TMEM171: variants seen among roughly 807,000 people sequenced by gnomAD.
TMEM171 encodes the protein transmembrane protein 171.
In TMEM171, 16 loss-of-function variants were observed where a neutral mutation model predicts 19.1. The ratio of observed to expected loss-of-function variants is 0.84; its 90% CI spans 0.57 to 1.27. The LOEUF (loss-of-function observed/expected upper bound fraction) is 1.27. Ranked by LOEUF, TMEM171 falls within the 50% of genes most tolerant of loss-of-function variation. The pLI is 0.00. For synonymous variants in TMEM171, 153 were observed against 163.4 expected, an observed-to-expected ratio of 0.94 and a Z score of 0.48; for missense variants, 429 against 412.7, an observed-to-expected ratio of 1.04 and a Z score of -0.34.
intron 1 of TMEM171, 59 bp downstream of exon 1, chr5:73,120,755 G>C: frequency 3.0e-6 from 3 of 984,126 alleles, no homozygotes; most frequent in Non-Finnish European, 3.6e-6. Flanking sequence ...GCTGAGCTGT[G>C]CGGCCAGGCT....
At chr5:73,121,304 TTCCTGATAGGA>T (rs1744002290) in intron 1 of TMEM171, among the ~76,000 whole-genome samples, 1 of 152,188 alleles carries the variant, frequency 6.6e-6, no homozygotes, top group Admixed American at 6.5e-5. Context: ...AATAAATGAA[TTCCTGATAGGA>T]CTTTGCAGCC....
chr5:73,125,607 TTC>T (rs1744141819), intron 2 of TMEM171, among the ~76,000 whole-genome samples: 1 of 152,206 alleles, frequency 6.6e-6, no homozygotes, highest in Non-Finnish European at 1.5e-5. Context: ...TTGATAGATG[TTC>T]TTAGTGTTCT....
At chr5:73,128,074 G>T (rs1477509480) in intron 2 of TMEM171, among the ~76,000 whole-genome samples, 4 of 152,050 alleles carry the variant, frequency 2.6e-5, no homozygotes, top group Non-Finnish European at 5.9e-5. Flanking sequence ...TAGTGGCATT[G>T]AATACAGTCA....
Position 73,123,932 on chromosome 5 carries a change from AAC to A in TMEM171, c.562_563del (p.Thr188AlafsTer9). The A allele has an allele frequency of 1.9e-6, 3 of 1,613,234 alleles. No individual in the cohort carries two copies. The highest frequency in any genetic ancestry group is 2.5e-6 in the Non-Finnish European group (3 of 1,179,676). ...FFVVAHVKKR[N>X]TLNAGQDASE... ...CGTGGTTGCCCATGTTAAGAAGAGAAACACGCTGAATGCTGGCCAGGATGCCT... is the reference window on the plus strand; with the variant it reads ...CGTGGTTGCCCATGTTAAGAAGAGAAACGCTGAATGCTGGCCAGGATGCCT... On this transcript the variant is annotated frameshift_variant, in exon 2 of 4. Transcript: ENST00000454765. LOFTEE classifies it high-confidence loss of function.
intron 2 of TMEM171, among the ~76,000 whole-genome samples, chr5:73,126,249 A>G (rs1031866574): frequency 6.6e-6 from 1 of 152,206 alleles, no homozygotes; most frequent in African/African-American, 2.4e-5. Flanking sequence ...AATGGAAGTG[A>G]ACACAACCCC....
chr5:73,130,200 A>T (rs930737484), intron 3 of TMEM171, among the ~76,000 whole-genome samples: 3 of 151,770 alleles, frequency 2.0e-5, no homozygotes, highest in Non-Finnish European at 4.4e-5. Context: ...GGTGATGGAG[A>T]TGGAGCTGCA....
rs950748174 is a variant in TMEM171, at chr5:73,128,299, A to G, written c.641-91A>G. 39 of 1,501,730 alleles carry G rather than the reference A, an allele frequency of 2.6e-5. No homozygotes were observed. The African/African-American group carries it at 4.7e-4, about 18-fold the overall frequency. 93.0% of individuals were successfully genotyped at this position (1,501,730 alleles called of 1,614,324 possible). On this transcript the variant is annotated intron_variant, in intron 2 of 3. Coordinates refer to ENST00000454765, the MANE Select transcript of TMEM171 (RefSeq NM_173490.8). ...CAGCAGGTGTGTTGACCTTTTATATAGATGGGCCAAATATATAATTAATTT... is the reference window on the plus strand; with the variant it reads ...CAGCAGGTGTGTTGACCTTTTATATGGATGGGCCAAATATATAATTAATTT...
At chr5:73,122,542 A>T (rs1398034424) in intron 1 of TMEM171, among the ~76,000 whole-genome samples, 1 of 152,182 alleles carries the variant, frequency 6.6e-6, no homozygotes, top group Non-Finnish European at 1.5e-5. Context: ...AGTAGCTGGG[A>T]CCACAGGCAC....
chr5:73,128,568 A>C (rs1314142675), intron 3 of TMEM171, 37 bp downstream of exon 3: 3 of 1,611,500 alleles, frequency 1.9e-6, no homozygotes, highest in Non-Finnish European at 2.5e-6. Context: ...AGAGGCCTGA[A>C]TTCAGGCCAC....
intron 1 of TMEM171, among the ~76,000 whole-genome samples, chr5:73,121,185 C>T (rs1371526361): frequency 6.6e-6 from 1 of 152,152 alleles, no homozygotes; most frequent in Non-Finnish European, 1.5e-5. Flanking sequence ...CACTAGTCCA[C>T]GGACAAGAAA....
chr5:73,127,195 C>T lies in TMEM171; in HGVS notation c.641-1195C>T, dbSNP rs184278511. On this transcript the variant is annotated intron_variant, in intron 2 of 3. Coordinates refer to ENST00000454765, the MANE Select transcript of TMEM171 (RefSeq NM_173490.8). ...GTGAATTAAAGTTGTAGGCTGAAAA[C>T]GAGAAAAGCTTTTTCAGCAGTAGAC... Among the ~76,000 whole-genome samples the T allele has an allele frequency of 1.1e-3, 172 of 151,594 alleles. 1 individual carries two copies. Among genetic ancestry groups the T allele is most frequent in the African/African-American group, 3.9e-3 (159 of 41,230 alleles).
chr5:73,127,458 A>G (rs1387544653), intron 2 of TMEM171, among the ~76,000 whole-genome samples: 1 of 147,376 alleles, frequency 6.8e-6, no homozygotes, highest in African/African-American at 2.6e-5. Context: ...TTGTTTTGAA[A>G]CAGAATCTCA....
chr5:73,123,617 C>A lies in TMEM171; in HGVS notation c.244C>A (p.Gln82Lys). The part of the protein sequence containing the change: ...GAVILARSRA[Q>K]LQLRAGLQRG... ...TGTGATCCTGGCCCGCTCCCGGGCG[C>A]AACTTCAGCTCCGTGCAGGGCTGCA... The change falls in exon 2 of 4, where the codon CAA (glutamine) becomes AAA (lysine). Residue 82 changes from glutamine to lysine, a missense_variant. Gln to Lys is a moderately conservative substitution (Grantham distance 53). Coordinates refer to ENST00000454765, the MANE Select transcript of TMEM171 (RefSeq NM_173490.8). 1 of 1,614,214 alleles carries A rather than the reference C, an allele frequency of 6.2e-7. No homozygotes were observed. The highest frequency in any genetic ancestry group is 8.5e-7 in the Non-Finnish European group (1 of 1,180,038).
Position 73,127,384 on chromosome 5 carries a change from AATAT to A in TMEM171, c.641-986_641-983del, listed in dbSNP as rs59879336. 5.8e-3 allele frequency among the ~76,000 whole-genome samples: 475 copies of A among 81,692 alleles called. 16 individuals are homozygous for A. The highest frequency in any genetic ancestry group is 0.026 in the African/African-American group (398 of 15,230). 53.6% of individuals were successfully genotyped at this position (81,692 alleles called of 152,430 possible). ...AAATTTGTGGTAAAAAAAAAAAAAAAATATATATATATATATATATATAAAGCAT... is the reference window on the plus strand; with the variant it reads ...AAATTTGTGGTAAAAAAAAAAAAAAAATATATATATATATATATAAAGCAT... On this transcript the variant is annotated intron_variant, in intron 2 of 3. Coordinates refer to ENST00000454765, the MANE Select transcript of TMEM171 (RefSeq NM_173490.8).
At position 73,123,782 on chromosome 5, in the gene TMEM171, G is replaced by A; in HGVS notation, c.409G>A (p.Gly137Ser). 4.3e-6 allele frequency: 7 copies of A among 1,613,248 alleles called. No individual in the cohort carries two copies. The highest frequency in any genetic ancestry group is 5.9e-6 in the Non-Finnish European group (7 of 1,179,342). Reference sequence around the variant, plus strand: ...CCTGGGCATTTGGGTCCCTGGATGTGGCTCCAACTGGGCGCAGGAACCGCT... The same window carrying A: ...CCTGGGCATTTGGGTCCCTGGATGTAGCTCCAACTGGGCGCAGGAACCGCT... ...SVLGIWVPGC[G>S]SNWAQEPLNE... The change falls in exon 2 of 4, where the codon GGC (glycine) becomes AGC (serine). Residue 137 changes from glycine to serine, a missense_variant. Coordinates refer to ENST00000454765, the MANE Select transcript of TMEM171 (RefSeq NM_173490.8).
intron 2 of TMEM171, among the ~76,000 whole-genome samples, chr5:73,127,384 A>AATATATATATATATATAT (rs59879336): frequency 9.8e-5 from 8 of 81,646 alleles, no homozygotes; most frequent in African/African-American, 2.6e-4. Flanking sequence ...AAAAAAAAAA[A>AATATATATATATATATAT]ATATATATAT....
At position 73,128,238 on chromosome 5, in the gene TMEM171, A is replaced by G. The variant is rs980253954; in HGVS notation, c.641-152A>G. The G allele has an allele frequency of 2.9e-5, 26 of 881,922 alleles. No homozygotes were observed. In the Middle Eastern group the frequency reaches 7.3e-4, roughly 25 times the overall value. 54.6% of individuals were successfully genotyped at this position (881,922 alleles called of 1,614,324 possible). On this transcript the variant is annotated intron_variant, in intron 2 of 3. Coordinates refer to ENST00000454765, the MANE Select transcript of TMEM171 (RefSeq NM_173490.8). ...ACCTAGTCTACTTTTCTATCTCTAT[A>G]CATTTAATGGGCTTACTTTTAAATT...
chr5:73,124,645 A>G lies in TMEM171; in HGVS notation c.640+632A>G, dbSNP rs1298796252. ...GTTGTCCTTCTTTTTTTGTGACATC[A>G]TCCGTGGCTGCAGGGCTGAGGCAAA... On this transcript the variant is annotated intron_variant, in intron 2 of 3. Transcript: ENST00000454765. 3.9e-5 allele frequency among the ~76,000 whole-genome samples: 6 copies of G among 152,066 alleles called. No homozygotes were observed. The East Asian group carries it at 1.2e-3, about 29-fold the overall frequency.
chr5:73,123,520 T>C lies in TMEM171; in HGVS notation c.147T>C (p.Tyr49=), dbSNP rs571434668. 2 of 1,614,196 alleles carry C rather than the reference T, an allele frequency of 1.2e-6. No homozygotes were observed. The highest frequency in any genetic ancestry group is 2.2e-5 in the East Asian group (1 of 44,884). Residue 49 remains tyrosine, a synonymous_variant, in exon 2 of 4, where the codon TAT becomes TAC. Transcript: ENST00000454765. ...LSIFGFQACQ[Y]KPLPDCPMVL... ...TCTTTGGGTTCCAGGCATGCCAATA[T>C]AAGCCCCTCCCAGACTGCCCCATGG...
Sources: allele counts gnomAD v4.1 joint callset (sites outside exome capture counted in the v4.1 genomes callset), GRCh38; gene constraint gnomAD v4.1.1; transcripts MANE v1.5; gene names NCBI Gene and HGNC (gene_info 2026-07-23, HGNC 2026-07-21).